Variants in DMRT1 observed in about 807,000 individuals in gnomAD.
The protein encoded by DMRT1 is doublesex and mab-3 related transcription factor 1.
In DMRT1, 7 loss-of-function variants were observed where a neutral mutation model predicts 32.3. That is an observed-to-expected ratio of 0.22 (90% CI 0.12 to 0.41). DMRT1 has a LOEUF of 0.41. Among genes scored for constraint, DMRT1 ranks in the 10% least tolerant of loss-of-function variants. The pLI is 1.00. For missense variants in DMRT1, 625 were observed against 500.5 expected, an observed-to-expected ratio of 1.25 and a Z score of -2.37; for synonymous variants, 278 against 206.1, an observed-to-expected ratio of 1.35 and a Z score of -2.99.
intron 4 of DMRT1, among the ~76,000 whole-genome samples, chr9:946,237 A>G (rs1020422408): frequency 3.9e-5 from 6 of 152,146 alleles, no homozygotes; most frequent in African/African-American, 1.4e-4. Flanking sequence ...GTTGTATTGA[A>G]TACTGCCAAA....
intron 4 of DMRT1, among the ~76,000 whole-genome samples, chr9:928,352 C>G (rs1158783088): frequency 2.0e-5 from 3 of 152,114 alleles, no homozygotes; most frequent in African/African-American, 7.2e-5. Flanking sequence ...CTTTAAACAC[C>G]TGGCTTTACA....
At chr9:952,182 C>T (rs998636336) in intron 4 of DMRT1, among the ~76,000 whole-genome samples, 3 of 152,148 alleles carry the variant, frequency 2.0e-5, no homozygotes, top group African/African-American at 7.2e-5. Flanking sequence ...ACAGCCATAT[C>T]CCCTGTATCT....
At chr9:861,943 GGGCGGGCGGGC>G (rs1815715198) in intron 2 of DMRT1, among the ~76,000 whole-genome samples, 1 of 149,940 alleles carries the variant, frequency 6.7e-6, no homozygotes, top group African/African-American at 2.5e-5. Flanking sequence ...CCCAGATGAT[GGGCGGGCGGGC>G]AGAGACGCTC....
intron 4 of DMRT1, among the ~76,000 whole-genome samples, chr9:950,809 C>T (rs1192556202): frequency 2.6e-5 from 4 of 152,164 alleles, no homozygotes; most frequent in East Asian, 3.9e-4. Context: ...TTTCCAGAAA[C>T]GACTGTTTTC....
At chr9:862,321 G>T (rs372449658) in intron 2 of DMRT1, among the ~76,000 whole-genome samples, 1 of 152,166 alleles carries the variant, frequency 6.6e-6, no homozygotes, top group Non-Finnish European at 1.5e-5. Flanking sequence ...CCAACACGGC[G>T]AAACCCCGTC....
At chr9:854,788 C>G (rs1226853558) in intron 2 of DMRT1, among the ~76,000 whole-genome samples, 2 of 81,352 alleles carry the variant, frequency 2.5e-5, no homozygotes, top group South Asian at 9.0e-4. Flanking sequence ...TTTTTTGAAA[C>G]AGAGTCTCAC....
chr9:956,737 T>C (rs1018297410), intron 4 of DMRT1, among the ~76,000 whole-genome samples: 1 of 152,234 alleles, frequency 6.6e-6, no homozygotes, highest in East Asian at 1.9e-4. Flanking sequence ...TAAATAAAAA[T>C]TTATCTCATG....
chr9:900,626 T>C (rs1033545942), intron 3 of DMRT1, among the ~76,000 whole-genome samples: 3 of 150,040 alleles, frequency 2.0e-5, no homozygotes, highest in African/African-American at 7.3e-5. Context: ...TACTCTTAAA[T>C]TGAAAAAAAA....
chr9:904,737 G>C (rs1469942135), intron 3 of DMRT1, among the ~76,000 whole-genome samples: 4 of 152,174 alleles, frequency 2.6e-5, no homozygotes, highest in African/African-American at 9.7e-5. Context: ...CTGAGGTCAG[G>C]AGTTTGAGAC....
intron 4 of DMRT1, among the ~76,000 whole-genome samples, chr9:929,533 A>G (rs975350773): frequency 2.6e-5 from 4 of 152,070 alleles, no homozygotes; most frequent in African/African-American, 9.7e-5. Context: ...ACATATTAAC[A>G]TATTATTTCT....
At chr9:909,935 A>G (rs1817914587) in intron 3 of DMRT1, among the ~76,000 whole-genome samples, 1 of 152,142 alleles carries the variant, frequency 6.6e-6, no homozygotes, top group Non-Finnish European at 1.5e-5. Context: ...ACTGTTCTCC[A>G]ACCCCCGGGC....
At chr9:966,019 G>A (rs1224697651) in intron 4 of DMRT1, among the ~76,000 whole-genome samples, 1 of 152,130 alleles carries the variant, frequency 6.6e-6, no homozygotes, top group South Asian at 2.1e-4. Flanking sequence ...CTGGTTGGGG[G>A]TGGGGACATT....
At chr9:886,482 C>T (rs1428763032) in intron 2 of DMRT1, among the ~76,000 whole-genome samples, 1 of 152,026 alleles carries the variant, frequency 6.6e-6, no homozygotes, top group Non-Finnish European at 1.5e-5. Flanking sequence ...TCCCAAACTC[C>T]TGACCTCAAG....
At chr9:879,356 C>A (rs1257165428) in intron 2 of DMRT1, among the ~76,000 whole-genome samples, 1 of 151,974 alleles carries the variant, frequency 6.6e-6, no homozygotes, top group African/African-American at 2.4e-5. Flanking sequence ...ACGTAACATA[C>A]TTCAATAAAA....
intron 2 of DMRT1, among the ~76,000 whole-genome samples, chr9:863,239 C>A (rs191941376): frequency 1.9e-4 from 28 of 150,768 alleles, no homozygotes; most frequent in Middle Eastern, 3.4e-3. Flanking sequence ...GATTGCCTGA[C>A]CCCAGGATTT....
chr9:854,565 C>G (rs1174998216), intron 2 of DMRT1, among the ~76,000 whole-genome samples: 1 of 152,032 alleles, frequency 6.6e-6, no homozygotes, highest in Non-Finnish European at 1.5e-5. Flanking sequence ...GCAATAAAAG[C>G]GTTTTATACA....
At chr9:960,830 A>C in intron 4 of DMRT1, among the ~76,000 whole-genome samples, 1 of 152,182 alleles carries the variant, frequency 6.6e-6, no homozygotes, top group East Asian at 1.9e-4. Context: ...CGAGCTCAAG[A>C]AAGATGAAGT....
At position 893,935 on chromosome 9, in the gene DMRT1, A is replaced by T; in HGVS notation, c.562A>T (p.Ile188Phe). 1 of 1,614,150 alleles carries T rather than the reference A, an allele frequency of 6.2e-7. No individual in the cohort carries two copies. Among genetic ancestry groups the T allele is most frequent in the Non-Finnish European group, 8.5e-7 (1 of 1,179,992 alleles). Reference protein sequence around the residue: ...ASEGRMVIQDIPAVTSRGHVE... With the variant: ...ASEGRMVIQDFPAVTSRGHVE... Reference sequence around the variant, plus strand: ...AGAGGGACGTATGGTCATCCAGGATATTCCTGCTGTCACCAGCAGAGGGCA... The same window carrying T: ...AGAGGGACGTATGGTCATCCAGGATTTTCCTGCTGTCACCAGCAGAGGGCA... Residue 188 changes from isoleucine (I) to phenylalanine (F), a missense_variant, in exon 3 of 5, where the codon ATT (isoleucine) becomes TTT (phenylalanine). Coordinates refer to ENST00000382276, the MANE Select transcript of DMRT1 (RefSeq NM_021951.3).
At chr9:845,410 A>G (rs1002842989) in intron 1 of DMRT1, among the ~76,000 whole-genome samples, 8 of 151,804 alleles carry the variant, frequency 5.3e-5, no homozygotes, top group African/African-American at 7.3e-5. Context: ...GTTTCACCAT[A>G]TTGGTCAGGC....
Sources: allele counts gnomAD v4.1 joint callset (sites outside exome capture counted in the v4.1 genomes callset), GRCh38; gene constraint gnomAD v4.1.1; transcripts MANE v1.5; gene names NCBI Gene and HGNC (gene_info 2026-07-23, HGNC 2026-07-21).